ACER1: variants seen among roughly 807,000 people sequenced by gnomAD.
ACER1 encodes alkaline ceramidase 1, also known as CTB-180A7.3.
ACER1 carries 28 observed loss-of-function variants against 24.9 expected under a neutral mutation model. The observed-to-expected ratio is 1.13, with a 90% CI of 0.83 to 1.54. The LOEUF (loss-of-function observed/expected upper bound fraction) is 1.54. Ranked by LOEUF, ACER1 falls within the 40% of genes most tolerant of loss-of-function variation. ACER1 has a pLI of 0.00. For synonymous variants in ACER1, 132 were observed against 131.4 expected, an observed-to-expected ratio of 1.00 and a Z score of -0.03; for missense variants, 352 against 349.3, an observed-to-expected ratio of 1.01 and a Z score of -0.06.
At chr19:6,321,761 C>T (rs903453989) in intron 1 of ACER1, among the ~76,000 whole-genome samples, 1 of 152,154 alleles carries the variant, frequency 6.6e-6, no homozygotes, top group African/African-American at 2.4e-5. Flanking sequence ...ACACGTGCCA[C>T]CACATCTGGT....
chr19:6,339,282 C>A, the ACER1 span, among the ~76,000 whole-genome samples: 1 of 152,096 alleles, frequency 6.6e-6, no homozygotes, highest in Non-Finnish European at 1.5e-5. Flanking sequence ...TTATTCAGCC[C>A]TGAAAAAGGA....
upstream of ACER1, among the ~76,000 whole-genome samples, chr19:6,336,698 T>TAGTC (rs1423335991): frequency 6.6e-6 from 1 of 150,676 alleles, no homozygotes; most frequent in Non-Finnish European, 1.5e-5. Flanking sequence ...CGGGCGCCTG[T>TAGTC]AGTCCCAGCT....
the ACER1 span, among the ~76,000 whole-genome samples, chr19:6,358,838 CAGA>C: frequency 2.7e-5 from 4 of 148,726 alleles, no homozygotes; most frequent in Non-Finnish European, 5.9e-5. Context: ...GAGGCTAAGG[CAGA>C]AGAATTGCTT....
the ACER1 span, among the ~76,000 whole-genome samples, chr19:6,354,967 C>G: frequency 1.3e-5 from 2 of 152,264 alleles, no homozygotes; most frequent in Non-Finnish European, 2.9e-5. Flanking sequence ...TGATTGCAGG[C>G]GCGCGCCACC....
At chr19:6,322,930 G>A (rs940222327) in intron 1 of ACER1, among the ~76,000 whole-genome samples, 109 of 152,092 alleles carry the variant, frequency 7.2e-4, no homozygotes, top group African/African-American at 2.6e-3. Flanking sequence ...GACCAACATG[G>A]AGAAACCCCA....
At chr19:6,359,209 G>C in the ACER1 span, among the ~76,000 whole-genome samples, 1 of 152,122 alleles carries the variant, frequency 6.6e-6, no homozygotes, top group East Asian at 1.9e-4. Context: ...TCCAGCCTGG[G>C]TGACAGAGCG....
intron 1 of ACER1, among the ~76,000 whole-genome samples, chr19:6,320,494 G>C (rs146948442): frequency 0.036 from 5,404 of 151,994 alleles, 338 homozygotes; most frequent in African/African-American, 0.12. Context: ...TGTATTTTTA[G>C]TAGAGACGGG....
chr19:6,321,631 CAG>C (rs927441717), intron 1 of ACER1, among the ~76,000 whole-genome samples: 3 of 151,740 alleles, frequency 2.0e-5, no homozygotes, highest in African/African-American at 7.3e-5. Flanking sequence ...TTGTTTGAGA[CAG>C]AGTCTCACTC....
chr19:6,337,678 T>C (rs911440100), upstream of ACER1, among the ~76,000 whole-genome samples: 1 of 93,324 alleles, frequency 1.1e-5, no homozygotes, highest in African/African-American at 4.2e-5. Flanking sequence ...TTTTTTTTTT[T>C]TTTTTTTTTT....
At chr19:6,313,091 A>G (rs930367481) in intron 1 of ACER1, among the ~76,000 whole-genome samples, 1 of 151,936 alleles carries the variant, frequency 6.6e-6, no homozygotes. Context: ...CTAAACTTCC[A>G]TATATATTCT....
chr19:6,307,387 G>T (rs2091557658), intron 4 of ACER1, 97 bp from the exon 5 acceptor site: 1 of 1,416,126 alleles, frequency 7.1e-7, no homozygotes, highest in Non-Finnish European at 9.6e-7. Flanking sequence ...AGGCTCAGAG[G>T]TTGGGAGAAG....
chr19:6,340,786 G>A, the ACER1 span, among the ~76,000 whole-genome samples: 2 of 152,104 alleles, frequency 1.3e-5, no homozygotes, highest in Admixed American at 6.6e-5. Flanking sequence ...GGAGCCGGGG[G>A]AGAGCTCTTC....
chr19:6,309,718 A>T lies in ACER1; in HGVS notation c.467T>A (p.Ile156Asn). ...TCACTTCCTGTACTCCTGGCACACG[A>T]TGTAGAGAATGTGCAGGGCAATGCT... ...LNSIALHILY[I>N]VCQEYRKTSN... The change falls in exon 4 of 6, where the codon ATC (isoleucine) becomes AAC (asparagine). Residue 156 changes from isoleucine (I) to asparagine (N), a missense_variant. By Grantham distance (149) the Ile-to-Asn change is moderately radical. Coordinates refer to ENST00000301452, the MANE Select transcript of ACER1 (RefSeq NM_133492.3). 5.6e-6 allele frequency: 9 copies of T among 1,613,896 alleles called. No homozygotes were observed. Among genetic ancestry groups the T allele is most frequent in the Non-Finnish European group, 7.6e-6 (9 of 1,179,946 alleles).
At chr19:6,317,285 T>A (rs902135638) in intron 1 of ACER1, among the ~76,000 whole-genome samples, 3 of 152,188 alleles carry the variant, frequency 2.0e-5, no homozygotes, top group African/African-American at 7.2e-5. Context: ...CAGTTATTCC[T>A]TTATAGCAAC....
upstream of ACER1, among the ~76,000 whole-genome samples, chr19:6,335,175 T>C (rs1473126114): frequency 2.7e-5 from 4 of 146,994 alleles, no homozygotes; most frequent in Non-Finnish European, 6.0e-5. Context: ...TATTATATAA[T>C]TTTTCTTTTT....
the ACER1 span, among the ~76,000 whole-genome samples, chr19:6,355,486 A>C: frequency 2.8e-5 from 4 of 143,746 alleles, no homozygotes; most frequent in Non-Finnish European, 4.5e-5. Flanking sequence ...GCCCCATATG[A>C]GAAGTGAGGA....
chr19:6,321,764 C>T (rs1000365049), intron 1 of ACER1, among the ~76,000 whole-genome samples: 10 of 152,180 alleles, frequency 6.6e-5, no homozygotes, highest in African/African-American at 1.4e-4. Flanking sequence ...CGTGCCACCA[C>T]ATCTGGTTAA....
chr19:6,307,173 G>T lies in ACER1; in HGVS notation c.606C>A (p.Phe202Leu), dbSNP rs781481589. The change falls in exon 5 of 6, where the codon TTC becomes TTA. Residue 202 changes from phenylalanine (F) to leucine (L), a missense_variant. Phe to Leu is a conservative substitution (Grantham distance 22, BLOSUM62 0). Transcript: ENST00000301452. Reference protein sequence around the residue: ...LLCSFWQRIHFFYLHSIWHVL... With the variant: ...LLCSFWQRIHLFYLHSIWHVL... ...CTTACCAGATGCTGTGCAGATAGAAGAAATGAATCCTCTGCCAGAAGCTGC... is the reference window on the plus strand; with the variant it reads ...CTTACCAGATGCTGTGCAGATAGAATAAATGAATCCTCTGCCAGAAGCTGC... 9 of 1,614,014 alleles carry T rather than the reference G, an allele frequency of 5.6e-6. No homozygotes were observed. The East Asian group carries it at 1.3e-4, about 24-fold the overall frequency.
the ACER1 span, among the ~76,000 whole-genome samples, chr19:6,358,805 C>T: frequency 6.9e-6 from 1 of 144,100 alleles, no homozygotes; most frequent in Non-Finnish European, 1.5e-5. Flanking sequence ...TGGTGGTGGG[C>T]GCCTGTAATC....
Sources: allele counts gnomAD v4.1 joint callset (sites outside exome capture counted in the v4.1 genomes callset), GRCh38; gene constraint gnomAD v4.1.1; transcripts MANE v1.5; gene names NCBI Gene and HGNC (gene_info 2026-07-23, HGNC 2026-07-21).